Variants in ANGPT1 observed in about 807,000 individuals in gnomAD.
ANGPT1 encodes angiopoietin-1.
A neutral mutation model predicts 62.2 loss-of-function variants in ANGPT1; 17 were observed. That is an observed-to-expected ratio of 0.27 (90% CI 0.19 to 0.41). The LOEUF (loss-of-function observed/expected upper bound fraction) is 0.41, where lower values mean the gene tolerates loss of function less well. Among genes scored for constraint, ANGPT1 ranks in the 10% least tolerant of loss-of-function variants. The pLI, the probability that ANGPT1 is intolerant of heterozygous loss-of-function variation, is 1.00. For synonymous variants in ANGPT1, 199 were observed against 198.9 expected (o/e 1.00, Z 0.00); for missense variants, 478 against 594.9 (o/e 0.80, Z 2.04).
chr8:107,401,512 G>A (rs2130331984), intron 1 of ANGPT1, among the ~76,000 whole-genome samples: 1 of 152,304 alleles, frequency 6.6e-6, no homozygotes, highest in African/African-American at 2.4e-5. Flanking sequence ...TCAGAGAGAT[G>A]AGATAATACA....
At chr8:107,475,912 G>GGCA (rs1812512428) in intron 1 of ANGPT1, among the ~76,000 whole-genome samples, 1 of 151,918 alleles carries the variant, frequency 6.6e-6, no homozygotes, top group Non-Finnish European at 1.5e-5. Flanking sequence ...GTTAGAATTC[G>GGCA]ATCATTAAAA....
At position 107,359,155 on chromosome 8, in the gene ANGPT1, C is replaced by T. The variant is rs916875690; in HGVS notation, c.298-12058G>A. Among the ~76,000 whole-genome samples the T allele has an allele frequency of 5.3e-5, 8 of 152,084 alleles. 1 individual carries two copies. The highest frequency in any genetic ancestry group is 3.9e-4 in the Admixed American group (6 of 15,262). On this transcript the variant is annotated intron_variant, in intron 1 of 8. Coordinates refer to ENST00000517746, the MANE Select transcript of ANGPT1 (RefSeq NM_001146.5). ...ACTGTAATTACAGGACTGAGTTAGA[C>T]TTAGTAATTCTAACTGCTAATAAAA... is the stretch of plus-strand genomic sequence containing the variant.
intron 1 of ANGPT1, among the ~76,000 whole-genome samples, chr8:107,473,037 T>C (rs1448457158): frequency 2.0e-5 from 3 of 152,138 alleles, no homozygotes; most frequent in South Asian, 4.1e-4. Context: ...GTCATTTAAG[T>C]GAATAAGACT....
At chr8:107,346,892 A>G (rs1815815461) in intron 2 of ANGPT1, 50 bp downstream of exon 2, 1 of 1,534,090 alleles carries the variant, frequency 6.5e-7, no homozygotes. Context: ...AGCTAAAGAA[A>G]AAAAAAATTT....
At chr8:107,449,081 T>A (rs930908294) in intron 1 of ANGPT1, among the ~76,000 whole-genome samples, 1 of 152,068 alleles carries the variant, frequency 6.6e-6, no homozygotes. Flanking sequence ...CCTTTAGCCA[T>A]GTCTAGTCAA....
At chr8:107,356,569 A>G (rs1330553484) in intron 1 of ANGPT1, among the ~76,000 whole-genome samples, 3 of 152,312 alleles carry the variant, frequency 2.0e-5, no homozygotes, top group East Asian at 3.9e-4. Flanking sequence ...AAATAGCCTT[A>G]TGGCAATGAC....
chr8:107,394,903 A>AT (rs1024328782), intron 1 of ANGPT1, among the ~76,000 whole-genome samples: 1 of 152,070 alleles, frequency 6.6e-6, no homozygotes, highest in African/African-American at 2.4e-5. Context: ...TTCCTTATGG[A>AT]TTTTTTTCCT....
chr8:107,296,517 C>A (rs1170532636), intron 5 of ANGPT1, among the ~76,000 whole-genome samples: 1 of 151,882 alleles, frequency 6.6e-6, no homozygotes, highest in East Asian at 1.9e-4. Context: ...CCTTTAGTGA[C>A]CTTGGTGAGA....
At chr8:107,334,185 G>A (rs932658222) in intron 3 of ANGPT1, among the ~76,000 whole-genome samples, 1 of 151,996 alleles carries the variant, frequency 6.6e-6, no homozygotes, top group Non-Finnish European at 1.5e-5. Context: ...GACAGCTCAA[G>A]GGTCAGATAC....
intron 1 of ANGPT1, among the ~76,000 whole-genome samples, chr8:107,360,285 G>T (rs1816134260): frequency 6.6e-6 from 1 of 152,124 alleles, no homozygotes; most frequent in South Asian, 2.1e-4. Context: ...AGGTCTTGAG[G>T]TTCTTCCTTT....
chr8:107,321,970 CTGTT>C lies in ANGPT1; in HGVS notation c.730_733del (p.Asn244ValfsTer10). On this transcript the variant is annotated frameshift_variant, in exon 4 of 9. Transcript: ENST00000517746. LOFTEE classifies it high-confidence loss of function. ...CTCCAGTTGCTGCTTCTGAAGGACA[CTGTT>C]GTTGGTGGTAGCTCTGTTTAATTGC... 4 of 1,613,970 alleles carry C rather than the reference CTGTT, an allele frequency of 2.5e-6. No homozygotes were observed. Among genetic ancestry groups the C allele is most frequent in the Non-Finnish European group, 3.4e-6 (4 of 1,179,912 alleles).
At chr8:107,306,161 T>C (rs998785273) in intron 4 of ANGPT1, among the ~76,000 whole-genome samples, 3 of 152,102 alleles carry the variant, frequency 2.0e-5, no homozygotes, top group African/African-American at 4.8e-5. Flanking sequence ...CTCCTTCTTA[T>C]GGAAGAGACA....
intron 1 of ANGPT1, among the ~76,000 whole-genome samples, chr8:107,388,944 T>C (rs962646391): frequency 6.6e-6 from 1 of 152,198 alleles, no homozygotes; most frequent in South Asian, 2.1e-4. Context: ...GCCTGACATA[T>C]TGTTTATTTA....
intron 5 of ANGPT1, 111 bp downstream of exon 5, chr8:107,303,129 A>T: frequency 7.8e-7 from 1 of 1,285,098 alleles, no homozygotes; most frequent in Non-Finnish European, 1.1e-6. Context: ...AAAAAAGTTC[A>T]GGCATCTCTA....
At chr8:107,361,556 T>TGGGATGGGGTA (rs1563586454) in intron 1 of ANGPT1, among the ~76,000 whole-genome samples, 9 of 26,322 alleles carry the variant, frequency 3.4e-4, no homozygotes, top group South Asian at 1.3e-3. Context: ...AATATATGTA[T>TGGGATGGGGTA]ATATTATATA....
chr8:107,482,012 C>T (rs901697170), intron 1 of ANGPT1, among the ~76,000 whole-genome samples: 1 of 152,158 alleles, frequency 6.6e-6, no homozygotes, highest in African/African-American at 2.4e-5. Context: ...AAAAAGACTG[C>T]ATTGATAATG....
intron 8 of ANGPT1, among the ~76,000 whole-genome samples, chr8:107,262,310 G>A (rs147785036): frequency 0.011 from 1,621 of 152,296 alleles, 18 homozygotes; most frequent in Middle Eastern, 0.02. Flanking sequence ...AAATTTGAAA[G>A]TTATTTCAAG....
At chr8:107,449,279 C>G (rs1386883918) in intron 1 of ANGPT1, among the ~76,000 whole-genome samples, 1 of 151,860 alleles carries the variant, frequency 6.6e-6, no homozygotes, top group East Asian at 1.9e-4. Context: ...GTCTAGTTGC[C>G]TTTATGACAT....
chr8:107,461,242 T>C (rs1482723552), intron 1 of ANGPT1, among the ~76,000 whole-genome samples: 14 of 152,134 alleles, frequency 9.2e-5, no homozygotes, highest in Admixed American at 8.5e-4. Context: ...CATTTCACTT[T>C]TGAAATTTGG....
Sources: gnomAD v4.1 joint callset for allele counts (sites outside exome capture counted in the v4.1 genomes callset) on GRCh38, gnomAD v4.1.1 for gene constraint, MANE v1.5 for transcripts, NCBI Gene and HGNC (gene_info 2026-07-23, HGNC 2026-07-21) for gene names.